AGBL4: variants seen among roughly 807,000 people sequenced by gnomAD.
AGBL4 encodes the protein AGBL carboxypeptidase 4.
A neutral mutation model predicts 66.4 loss-of-function variants in AGBL4; 58 were observed. That is an observed-to-expected ratio of 0.87 (90% CI 0.71 to 1.09). The LOEUF is 1.09. Ranked by LOEUF, AGBL4 falls within the 50% of genes least tolerant of loss-of-function variation. The pLI is 0.00. For synonymous variants in AGBL4, 234 were observed against 222.9 expected, an observed-to-expected ratio of 1.05 and a Z score of -0.44; for missense variants, 579 against 631.0, an observed-to-expected ratio of 0.92 and a Z score of 0.88.
chr1:49,826,175 A>C (rs1645505350), intron 2 of AGBL4, among the ~76,000 whole-genome samples: 1 of 152,208 alleles, frequency 6.6e-6, no homozygotes, highest in Non-Finnish European at 1.5e-5. Flanking sequence ...TATAAAAATT[A>C]ATAAAAAACA....
At position 48,933,426 on chromosome 1, in the gene AGBL4, G is replaced by A. The variant is rs1557475560; in HGVS notation, c.595-66196C>T. On this transcript the variant is annotated intron_variant, in intron 5 of 13. Transcript: ENST00000371839. ...CAGCCCATATCATATCAAGAAGTCA[G>A]ACAGCTGACTTTTATTTTTTTAGTT... Among the ~76,000 whole-genome samples the A allele has an allele frequency of 2.0e-5, 3 of 152,292 alleles. No homozygotes were observed. The East Asian group carries it at 5.8e-4, about 29-fold the overall frequency.
At chr1:49,284,344 G>A (rs1644354202) in intron 3 of AGBL4, among the ~76,000 whole-genome samples, 2 of 151,842 alleles carry the variant, frequency 1.3e-5, no homozygotes, top group Non-Finnish European at 2.9e-5. Context: ...TCACCACCAG[G>A]CCTTCCCTAA....
At chr1:48,719,115 G>A (rs1022272400) in intron 6 of AGBL4, among the ~76,000 whole-genome samples, 1 of 152,098 alleles carries the variant, frequency 6.6e-6, no homozygotes, top group Non-Finnish European at 1.5e-5. Flanking sequence ...GTATTAAGGA[G>A]GTGGCTCAGG....
intron 5 of AGBL4, among the ~76,000 whole-genome samples, chr1:48,889,800 T>C (rs1343673819): frequency 6.6e-6 from 1 of 152,146 alleles, no homozygotes; most frequent in African/African-American, 2.4e-5. Context: ...GAATCCCCTA[T>C]AGCAGGCAAC....
intron 4 of AGBL4, among the ~76,000 whole-genome samples, chr1:49,149,773 A>G (rs551129382): frequency 6.6e-6 from 1 of 152,272 alleles, no homozygotes; most frequent in South Asian, 2.1e-4. Context: ...AGGCAAGAAG[A>G]CCTATATTGT....
intron 3 of AGBL4, among the ~76,000 whole-genome samples, chr1:49,654,928 G>A (rs1011321821): frequency 6.6e-6 from 1 of 152,092 alleles, no homozygotes; most frequent in African/African-American, 2.4e-5. Flanking sequence ...TTACATTTAA[G>A]GTTCATATTG....
chr1:49,306,363 C>G (rs1037351149), intron 3 of AGBL4, among the ~76,000 whole-genome samples: 2 of 152,134 alleles, frequency 1.3e-5, no homozygotes, highest in African/African-American at 4.8e-5. Flanking sequence ...AGATATCAGT[C>G]CTAAAATTTG....
chr1:48,826,092 G>A (rs1228028228), intron 6 of AGBL4, among the ~76,000 whole-genome samples: 1 of 152,072 alleles, frequency 6.6e-6, no homozygotes, highest in South Asian at 2.1e-4. Context: ...CAAGCTTCAA[G>A]GAACAACTTC....
At chr1:48,974,727 T>C (rs1659180733) in intron 5 of AGBL4, among the ~76,000 whole-genome samples, 1 of 152,140 alleles carries the variant, frequency 6.6e-6, no homozygotes. Context: ...AAATAGGTGG[T>C]GACTCTAATT....
chr1:48,722,836 AG>A (rs748692676), intron 6 of AGBL4, among the ~76,000 whole-genome samples: 2 of 152,202 alleles, frequency 1.3e-5, no homozygotes, highest in Non-Finnish European at 2.9e-5. Flanking sequence ...TCTCATCTAC[AG>A]GGGCAGATCC....
intron 2 of AGBL4, among the ~76,000 whole-genome samples, chr1:49,718,056 A>C (rs1648297076): frequency 6.6e-6 from 1 of 152,072 alleles, no homozygotes; most frequent in Non-Finnish European, 1.5e-5. Flanking sequence ...GTAAACCATA[A>C]GATGCTATGT....
chr1:49,845,482 G>A (rs1288183884), intron 2 of AGBL4: 1 of 1,573,716 alleles, frequency 6.4e-7, no homozygotes, highest in Non-Finnish European at 8.7e-7. Context: ...AATCCACACT[G>A]GGGAGAAACC....
chr1:49,256,122 G>A (rs1557771985), intron 3 of AGBL4, among the ~76,000 whole-genome samples: 1 of 152,002 alleles, frequency 6.6e-6, no homozygotes, highest in African/African-American at 2.4e-5. Context: ...GTTTACTTAT[G>A]TAACAAACTT....
chr1:49,324,292 G>C (rs1399541984), intron 3 of AGBL4, among the ~76,000 whole-genome samples: 1 of 152,158 alleles, frequency 6.6e-6, no homozygotes, highest in Non-Finnish European at 1.5e-5. Flanking sequence ...CTCAACCCCT[G>C]GCTATGAGCC....
At chr1:48,551,042 G>A (rs900766887) in intron 11 of AGBL4, among the ~76,000 whole-genome samples, 2 of 151,964 alleles carry the variant, frequency 1.3e-5, no homozygotes, top group African/African-American at 2.4e-5. Context: ...CCCCATTATT[G>A]CTGAGAATGA....
intron 3 of AGBL4, among the ~76,000 whole-genome samples, chr1:49,332,872 A>G (rs1645361976): frequency 1.3e-5 from 2 of 151,988 alleles, no homozygotes; most frequent in Non-Finnish European, 1.5e-5. Flanking sequence ...ACTAATTTAC[A>G]CTCCCACCAA....
At chr1:49,829,084 A>C (rs924024383) in intron 2 of AGBL4, among the ~76,000 whole-genome samples, 3 of 151,938 alleles carry the variant, frequency 2.0e-5, no homozygotes, top group African/African-American at 7.3e-5. Flanking sequence ...AAAAAAAAGA[A>C]AGAAAGAAAG....
chr1:49,957,425 T>C (rs1260239424), intron 1 of AGBL4, among the ~76,000 whole-genome samples: 2 of 151,986 alleles, frequency 1.3e-5, no homozygotes, highest in African/African-American at 4.8e-5. Context: ...GTTAACTTTC[T>C]GTCTCGTTGA....
chr1:49,792,807 G>A (rs1644633350), intron 2 of AGBL4, among the ~76,000 whole-genome samples: 2 of 151,984 alleles, frequency 1.3e-5, no homozygotes, highest in South Asian at 4.1e-4. Flanking sequence ...GAGGAATATA[G>A]TAGAAATTCA....
Sources: allele counts gnomAD v4.1 joint callset (sites outside exome capture counted in the v4.1 genomes callset), GRCh38; gene constraint gnomAD v4.1.1; transcripts MANE v1.5; gene names NCBI Gene and HGNC (gene_info 2026-07-23, HGNC 2026-07-21).